Variants in FAHD2A observed in about 807,000 individuals in gnomAD.
The protein encoded by FAHD2A is oxaloacetate tautomerase FAHD2A, mitochondrial.
Under a neutral mutation model 33.4 loss-of-function variants are expected in FAHD2A, and 27 were observed. That is an observed-to-expected ratio of 0.81 (90% CI 0.60 to 1.11). The LOEUF (loss-of-function observed/expected upper bound fraction) is 1.11, where lower values mean the gene tolerates loss of function less well. FAHD2A is among the 50% of genes most tolerant of loss of function. The pLI, the probability that FAHD2A is intolerant of heterozygous loss-of-function variation, is 0.00. For missense variants in FAHD2A, 296 were observed against 395.0 expected, an observed-to-expected ratio of 0.75 and a Z score of 2.12; for synonymous variants, 130 against 153.3, an observed-to-expected ratio of 0.85 and a Z score of 1.12.
rs1683035653 is a variant in FAHD2A, at chr2:95,415,176, A to G, written c.*2219A>G. The G allele has an allele frequency of 1.3e-5, 2 of 152,200 alleles. No homozygotes were observed. Among genetic ancestry groups the G allele is most frequent in the South Asian group, 4.1e-4 (2 of 4,820 alleles). 9.4% of individuals were successfully genotyped at this position (152,200 alleles called of 1,614,324 possible). ...GCCACCCCAAAATACAGCAGAGGAC[A>G]CCAGGACTTTCATTTTCCCTCAGTA... is the stretch of plus-strand genomic sequence containing the variant. On this transcript the variant is annotated 3_prime_UTR_variant, in exon 8 of 8. Coordinates refer to ENST00000233379, the MANE Select transcript of FAHD2A (RefSeq NM_016044.3).
Position 95,414,255 on chromosome 2 carries a change from C to T in FAHD2A, c.*1298C>T. On this transcript the variant is annotated 3_prime_UTR_variant, in exon 8 of 8. Transcript: ENST00000233379. ...TGACTGGTTGGGACTCACCAAAGAT[C>T]CCTTCTTCCTGGGCGGTGGCCTGCA... 6.3e-7 allele frequency: 1 copy of T among 1,599,028 alleles called. No individual in the cohort carries two copies. Among genetic ancestry groups the T allele is most frequent in the South Asian group, 1.1e-5 (1 of 90,374 alleles).
At chr2:95,404,505 G>A (rs904625170) in intron 1 of FAHD2A, among the ~76,000 whole-genome samples, 1 of 152,100 alleles carries the variant, frequency 6.6e-6, no homozygotes, top group African/African-American at 2.4e-5. Flanking sequence ...ACGTTGGCCA[G>A]GCTGGTCTTG....
chr2:95,414,221 A>T lies in FAHD2A; in HGVS notation c.*1264A>T. 1 of 1,600,524 alleles carries T rather than the reference A, an allele frequency of 6.2e-7. No individual in the cohort carries two copies. Among genetic ancestry groups the T allele is most frequent in the Non-Finnish European group, 8.5e-7 (1 of 1,173,886 alleles). ...ACCAGCAAACACCACTGCCTGCAGG[A>T]GCCTGGGCTGACTGGTTGGGACTCA... On this transcript the variant is annotated 3_prime_UTR_variant, in exon 8 of 8. Coordinates refer to ENST00000233379, the MANE Select transcript of FAHD2A (RefSeq NM_016044.3).
Position 95,413,451 on chromosome 2 carries a change from C to G in FAHD2A, c.*494C>G, listed in dbSNP as rs878888079. ...TCAGCACAGGCTCCTTCTCACAGTTCTAGCTACAAGTGAACTGCCGGATGA... is the reference window on the plus strand; with the variant it reads ...TCAGCACAGGCTCCTTCTCACAGTTGTAGCTACAAGTGAACTGCCGGATGA... On this transcript the variant is annotated 3_prime_UTR_variant, in exon 8 of 8. Coordinates refer to ENST00000233379, the MANE Select transcript of FAHD2A (RefSeq NM_016044.3). The G allele has an allele frequency of 3.1e-6, 5 of 1,609,628 alleles. No homozygotes were observed. Among genetic ancestry groups the G allele is most frequent in the Admixed American group, 1.7e-5 (1 of 59,228 alleles).
intron 7 of FAHD2A, 65 bp from the exon 8 acceptor site, chr2:95,412,830 A>G: frequency 1.2e-6 from 2 of 1,614,260 alleles, no homozygotes; most frequent in Non-Finnish European, 1.7e-6. Flanking sequence ...AGACTTGAGA[A>G]GTACAGGCTT....
intron 5 of FAHD2A, 69 bp downstream of exon 5, chr2:95,411,095 T>G: frequency 6.3e-7 from 1 of 1,588,072 alleles, no homozygotes; most frequent in Non-Finnish European, 8.6e-7. Context: ...GGGAGGAGCA[T>G]GGGTTCAGGT....
At chr2:95,403,346 C>T (rs937398603) in intron 1 of FAHD2A, among the ~76,000 whole-genome samples, 1 of 152,142 alleles carries the variant, frequency 6.6e-6, no homozygotes, top group African/African-American at 2.4e-5. Context: ...TGGAATGAAC[C>T]TGCATGTGTG....
chr2:95,408,537 G>A (rs1681985149), intron 3 of FAHD2A, among the ~76,000 whole-genome samples: 1 of 152,246 alleles, frequency 6.6e-6, no homozygotes, highest in Admixed American at 6.5e-5. Context: ...GCAAGGAGGA[G>A]CAAGTCACAT....
chr2:95,412,766 T>C lies in FAHD2A; in HGVS notation c.882+2T>C. On this transcript the variant is annotated splice_donor_variant, in intron 7 of 7. Coordinates refer to ENST00000233379, the MANE Select transcript of FAHD2A (RefSeq NM_016044.3). LOFTEE classifies it high-confidence loss of function. Reference sequence around the variant, plus strand: ...AGGAAACCTCCTGTCTTTCTCAAGGTAGGTTAGCGAAAAGCAAAGAGCAAG... The same window carrying C: ...AGGAAACCTCCTGTCTTTCTCAAGGCAGGTTAGCGAAAAGCAAAGAGCAAG... 6.2e-7 allele frequency: 1 copy of C among 1,614,070 alleles called. No individual in the cohort carries two copies. The highest frequency in any genetic ancestry group is 8.5e-7 in the Non-Finnish European group (1 of 1,179,988).
intron 3 of FAHD2A, among the ~76,000 whole-genome samples, chr2:95,407,860 G>A (rs541168165): frequency 9.2e-5 from 14 of 152,142 alleles, no homozygotes; most frequent in African/African-American, 3.4e-4. Context: ...TTCTAACACT[G>A]GTTACTTTTT....
chr2:95,412,098 G>A (rs1682613364), intron 5 of FAHD2A, among the ~76,000 whole-genome samples: 2 of 152,134 alleles, frequency 1.3e-5, no homozygotes, highest in African/African-American at 4.8e-5. Flanking sequence ...GCCCTGCTGA[G>A]TCAATCTACA....
chr2:95,413,153 T>G lies in FAHD2A; in HGVS notation c.*196T>G. 1 of 1,085,420 alleles carries G rather than the reference T, an allele frequency of 9.2e-7. No homozygotes were observed. The highest frequency in any genetic ancestry group is 1.3e-6 in the Non-Finnish European group (1 of 765,802). 67.2% of individuals were successfully genotyped at this position (1,085,420 alleles called of 1,614,324 possible). The stretch of plus-strand genomic sequence containing the variant: ...AGCAGCTTTGCTTCTGCTGTTTGTC[T>G]TCTTTTGGGCTTTGTTTCATGGGAC... On this transcript the variant is annotated 3_prime_UTR_variant, in exon 8 of 8. Transcript: ENST00000233379.
At position 95,412,879 on chromosome 2, in the gene FAHD2A, G is replaced by C; in HGVS notation, c.883-16G>C. 6.2e-7 allele frequency: 1 copy of C among 1,614,272 alleles called. No homozygotes were observed. Among genetic ancestry groups the C allele is most frequent in the African/African-American group, 1.3e-5 (1 of 75,062 alleles). On this transcript the variant is annotated splice_polypyrimidine_tract_variant and intron_variant, in intron 7 of 7. Transcript: ENST00000233379. ...TGACGGAAGGGCTGACACTGTCATGGCCTGCTCTGTTGCAGAAGGGGGATG... is the reference window on the plus strand; with the variant it reads ...TGACGGAAGGGCTGACACTGTCATGCCCTGCTCTGTTGCAGAAGGGGGATG...
At chr2:95,417,060 C>T (rs1033075870), downstream of FAHD2A, among the ~76,000 whole-genome samples, 2 of 152,242 alleles carry the variant, frequency 1.3e-5, no homozygotes, top group Non-Finnish European at 2.9e-5. Context: ...AGTGCCCCCT[C>T]TGCCCATCCC....
downstream of FAHD2A, among the ~76,000 whole-genome samples, chr2:95,419,762 T>C (rs1486333140): frequency 2.6e-5 from 4 of 151,838 alleles, 1 homozygote; most frequent in African/African-American, 9.7e-5. Context: ...TACATAGATA[T>C]AGAGATAGAT....
chr2:95,412,253 G>C (rs1308504966), intron 5 of FAHD2A, among the ~76,000 whole-genome samples, 181 bp from the exon 6 acceptor site: 1 of 151,960 alleles, frequency 6.6e-6, no homozygotes, highest in Admixed American at 6.6e-5. Flanking sequence ...GGGATGCGGG[G>C]AGGCCTGAGA....
In FAHD2A at chr2:95,407,082, G is replaced by C. The variant is rs1320249237; in HGVS notation, c.387G>C (p.Glu129Asp). The C allele has an allele frequency of 6.2e-7, 1 of 1,612,548 alleles. No individual in the cohort carries two copies. The highest frequency in any genetic ancestry group is 8.5e-7 in the Non-Finnish European group (1 of 1,179,878). Reference sequence around the variant, plus strand: ...AACAGAACGTGCCCGTGCCCAAGGAGCCCATCATCTTCAGCAAGTTTGCCA... The same window carrying C: ...AACAGAACGTGCCCGTGCCCAAGGACCCCATCATCTTCAGCAAGTTTGCCA... ...CKEQNVPVPKEPIIFSKFASS... is the reference protein window; with the variant it reads ...CKEQNVPVPKDPIIFSKFASS... The change falls in exon 3 of 8, where the codon GAG becomes GAC. Residue 129 changes from glutamate to aspartate, a missense_variant. Glu to Asp is a conservative substitution (Grantham distance 45). Coordinates refer to ENST00000233379, the MANE Select transcript of FAHD2A (RefSeq NM_016044.3).
At position 95,405,616 on chromosome 2, in the gene FAHD2A, C is replaced by T; in HGVS notation, c.58C>T (p.Pro20Ser). 1 of 1,614,074 alleles carries T rather than the reference C, an allele frequency of 6.2e-7. No homozygotes were observed. Among genetic ancestry groups the T allele is most frequent in the Non-Finnish European group, 8.5e-7 (1 of 1,179,956 alleles). ...LTVLLQAQKWPFQPSRDMRLV... is the reference protein window; with the variant it reads ...LTVLLQAQKWSFQPSRDMRLV... ...AGTTCTGCTGCAGGCTCAGAAGTGG[C>T]CCTTTCAACCCTCCAGAGACATGAG... Residue 20 changes from proline to serine, a missense_variant, in exon 2 of 8, where the codon CCC (proline) becomes TCC (serine). By Grantham distance (74) the Pro-to-Ser change is moderately conservative (BLOSUM62 -1). Transcript: ENST00000233379.
rs1682877218 is a variant in FAHD2A at position 95,413,690 on chromosome 2, T to C, written c.*733T>C. The C allele has an allele frequency of 9.1e-7, 1 of 1,100,910 alleles. No individual in the cohort carries two copies. The highest frequency in any genetic ancestry group is 1.6e-5 in the African/African-American group (1 of 62,900). The allele number at this position is 1,100,910 out of a possible 1,614,324, so 68.2% of individuals were successfully genotyped here. ...CCTCTGACCCCTTAGGCCTCAGTGT[T>C]TGAGTGCAAATGCTGCCTCAAAGCA... is the stretch of plus-strand genomic sequence containing the variant. On this transcript the variant is annotated 3_prime_UTR_variant, in exon 8 of 8. Coordinates refer to ENST00000233379, the MANE Select transcript of FAHD2A (RefSeq NM_016044.3).
Sources: allele counts gnomAD v4.1 joint callset (sites outside exome capture counted in the v4.1 genomes callset), GRCh38; gene constraint gnomAD v4.1.1; transcripts MANE v1.5; gene names NCBI Gene and HGNC (gene_info 2026-07-23, HGNC 2026-07-21).